Variants in MAGI2 observed in about 807,000 individuals in gnomAD.
MAGI2 encodes membrane associated guanylate kinase, WW and PDZ domain containing 2.
In MAGI2, 35 loss-of-function variants were observed where a neutral mutation model predicts 133.3. That is an observed-to-expected ratio of 0.26 (90% CI 0.20 to 0.35). The LOEUF (loss-of-function observed/expected upper bound fraction) is 0.35. MAGI2 is among the 10% of genes least tolerant of loss of function. The pLI, the probability that MAGI2 is intolerant of heterozygous loss-of-function variation, is 1.00. For missense variants in MAGI2, 1,636 were observed against 1,863.4 expected (o/e 0.88, Z 2.25); for synonymous variants, 729 against 710.6 (o/e 1.03, Z -0.41).
chr7:78,789,329 A>G (rs1313524763), intron 2 of MAGI2, among the ~76,000 whole-genome samples: 3 of 152,190 alleles, frequency 2.0e-5, no homozygotes, highest in African/African-American at 4.8e-5. Context: ...AAGTTTGGTT[A>G]ATAGCAGAAT....
At chr7:78,204,787 G>T (rs1168415558) in intron 10 of MAGI2, among the ~76,000 whole-genome samples, 1 of 152,138 alleles carries the variant, frequency 6.6e-6, no homozygotes, top group Non-Finnish European at 1.5e-5. Context: ...TAAGTTAAAT[G>T]AAATATGGAT....
chr7:78,337,202 G>C (rs551569696), intron 9 of MAGI2, among the ~76,000 whole-genome samples: 21 of 152,188 alleles, frequency 1.4e-4, no homozygotes, highest in Non-Finnish European at 2.2e-4. Context: ...ACAAATGATT[G>C]CTGGGATGTG....
At chr7:78,333,787 A>G (rs895577044) in intron 9 of MAGI2, among the ~76,000 whole-genome samples, 1 of 152,256 alleles carries the variant, frequency 6.6e-6, no homozygotes, top group Non-Finnish European at 1.5e-5. Context: ...GGAGAGCTTC[A>G]TATGACTGCA....
At chr7:79,340,858 C>T (rs2129099923) in intron 1 of MAGI2, among the ~76,000 whole-genome samples, 1 of 152,128 alleles carries the variant, frequency 6.6e-6, no homozygotes, top group Non-Finnish European at 1.5e-5. Context: ...CTAGGATGGC[C>T]ATTTACCTGA....
chr7:78,494,226 G>T (rs1793888745), intron 5 of MAGI2, among the ~76,000 whole-genome samples: 1 of 151,678 alleles, frequency 6.6e-6, no homozygotes, highest in South Asian at 2.1e-4. Context: ...CAAATTACTG[G>T]GATTACAGGC....
At chr7:78,605,463 T>C (rs1164737053) in intron 3 of MAGI2, among the ~76,000 whole-genome samples, 2 of 152,218 alleles carry the variant, frequency 1.3e-5, no homozygotes, top group Non-Finnish European at 2.9e-5. Flanking sequence ...AAATCTGTAA[T>C]ATAACCACTT....
At chr7:78,910,005 A>G (rs1798287798) in intron 2 of MAGI2, among the ~76,000 whole-genome samples, 1 of 152,190 alleles carries the variant, frequency 6.6e-6, no homozygotes, top group Non-Finnish European at 1.5e-5. Flanking sequence ...TGAAGCTGGA[A>G]TCCAACATTT....
chr7:78,376,602 T>C (rs1794470664), intron 6 of MAGI2, among the ~76,000 whole-genome samples: 1 of 152,156 alleles, frequency 6.6e-6, no homozygotes, highest in Non-Finnish European at 1.5e-5. Context: ...AATTTATTCA[T>C]TAATATATCT....
chr7:78,120,393 G>C (rs1820316702), intron 20 of MAGI2, among the ~76,000 whole-genome samples: 2 of 151,954 alleles, frequency 1.3e-5, no homozygotes, highest in South Asian at 4.2e-4. Flanking sequence ...ACAGAGCAAG[G>C]CCCTGTCTCA....
At chr7:78,435,353 G>C (rs1363941266) in intron 6 of MAGI2, among the ~76,000 whole-genome samples, 2 of 152,136 alleles carry the variant, frequency 1.3e-5, no homozygotes, top group Non-Finnish European at 2.9e-5. Context: ...AGAAATTCAA[G>C]TTGTTAACCT....
chr7:79,114,295 G>A (rs1819200741), intron 1 of MAGI2, among the ~76,000 whole-genome samples: 1 of 152,146 alleles, frequency 6.6e-6, no homozygotes, highest in Admixed American at 6.5e-5. Context: ...ATATTGTCTT[G>A]CAGGTTGATC....
intron 6 of MAGI2, among the ~76,000 whole-genome samples, chr7:78,426,556 T>C (rs902020192): frequency 2.0e-5 from 3 of 151,968 alleles, no homozygotes; most frequent in Non-Finnish European, 4.4e-5. Context: ...TGTATACATA[T>C]GTAACTAACC....
intron 21 of MAGI2, among the ~76,000 whole-genome samples, chr7:78,032,890 T>A (rs1200326653): frequency 6.6e-6 from 1 of 152,068 alleles, no homozygotes; most frequent in East Asian, 1.9e-4. Context: ...GTTCAAGGAA[T>A]GACAAGAGGA....
At chr7:78,107,098 T>G (rs940104254) in intron 20 of MAGI2, among the ~76,000 whole-genome samples, 1 of 152,176 alleles carries the variant, frequency 6.6e-6, no homozygotes, top group Non-Finnish European at 1.5e-5. Flanking sequence ...CCCAGCACCA[T>G]TTTTGAACAG....
intron 3 of MAGI2, among the ~76,000 whole-genome samples, chr7:78,522,150 C>T (rs886743400): frequency 6.6e-6 from 1 of 152,102 alleles, no homozygotes; most frequent in Admixed American, 6.5e-5. Flanking sequence ...GCTGTATCCC[C>T]GTGCCAGTCT....
chr7:79,186,212 A>T (rs1034299536), intron 1 of MAGI2, among the ~76,000 whole-genome samples: 4 of 4,114 alleles, frequency 9.7e-4, no homozygotes, highest in Non-Finnish European at 4.4e-3. Context: ...ATATATATAT[A>T]TATATATATA....
At chr7:78,370,684 A>C (rs889367149) in intron 6 of MAGI2, among the ~76,000 whole-genome samples, 1 of 151,962 alleles carries the variant, frequency 6.6e-6, no homozygotes, top group Non-Finnish European at 1.5e-5. Flanking sequence ...CATCAAATTA[A>C]ATACAGATCC....
intron 2 of MAGI2, among the ~76,000 whole-genome samples, chr7:78,991,081 G>A (rs1344733104): frequency 6.6e-6 from 1 of 151,740 alleles, no homozygotes; most frequent in African/African-American, 2.4e-5. Flanking sequence ...TAGTGAAGGA[G>A]CTCTCACGAG....
At chr7:79,434,409 A>T (rs1267313036) in intron 1 of MAGI2, among the ~76,000 whole-genome samples, 1 of 152,210 alleles carries the variant, frequency 6.6e-6, no homozygotes, top group African/African-American at 2.4e-5. Context: ...TTTCAGTGTA[A>T]GGACAAAAAT....
Sources: gnomAD v4.1 joint callset for allele counts (sites outside exome capture counted in the v4.1 genomes callset) on GRCh38, gnomAD v4.1.1 for gene constraint, MANE v1.5 for transcripts, NCBI Gene and HGNC (gene_info 2026-07-23, HGNC 2026-07-21) for gene names.